The following GSK3B variants were observed in gnomAD, a reference collection of about 807,000 sequenced individuals.
GSK3B encodes glycogen synthase kinase 3 beta.
A neutral mutation model predicts 56.4 loss-of-function variants in GSK3B; 15 were observed. That is an observed-to-expected ratio of 0.27 (90% CI 0.18 to 0.41). The LOEUF (loss-of-function observed/expected upper bound fraction) is 0.41. Among genes scored for constraint, GSK3B ranks in the 10% least tolerant of loss-of-function variants. GSK3B has a pLI of 1.00. For synonymous variants in GSK3B, 181 were observed against 188.9 expected (o/e 0.96, Z 0.34); for missense variants, 300 against 513.4 (o/e 0.58, Z 4.02).
At chr3:120,081,905 T>C (rs1250520589) in intron 1 of GSK3B, among the ~76,000 whole-genome samples, 1 of 152,140 alleles carries the variant, frequency 6.6e-6, no homozygotes, top group Non-Finnish European at 1.5e-5. Flanking sequence ...GAGATAAGCA[T>C]GAATGACTAA....
At chr3:119,964,730 G>A (rs1422157451) in intron 2 of GSK3B, among the ~76,000 whole-genome samples, 1 of 152,096 alleles carries the variant, frequency 6.6e-6, no homozygotes, top group African/African-American at 2.4e-5. Flanking sequence ...TTTGCTAAGA[G>A]GGTAAATGTC....
intron 8 of GSK3B, among the ~76,000 whole-genome samples, chr3:119,868,597 CTATTG>C (rs2056212279): frequency 6.6e-6 from 1 of 152,188 alleles, no homozygotes; most frequent in Admixed American, 6.5e-5. Context: ...CTTAGCAACT[CTATTG>C]TATTATGTAG....
chr3:119,965,260 C>T (rs1285638938), intron 2 of GSK3B, among the ~76,000 whole-genome samples: 2 of 150,010 alleles, frequency 1.3e-5, no homozygotes, highest in Non-Finnish European at 3.0e-5. Flanking sequence ...GACGGGGTTT[C>T]ACCATGTTGG....
chr3:119,893,605 T>A (rs2056528785), intron 7 of GSK3B, among the ~76,000 whole-genome samples: 1 of 152,112 alleles, frequency 6.6e-6, no homozygotes, highest in South Asian at 2.1e-4. Context: ...TTGGGTAAAG[T>A]ATTTATTTAA....
intron 1 of GSK3B, among the ~76,000 whole-genome samples, chr3:120,023,582 GTTAC>G (rs1391458585): frequency 2.0e-5 from 3 of 152,078 alleles, no homozygotes; most frequent in Admixed American, 6.6e-5. Flanking sequence ...CTCTTAAGGT[GTTAC>G]TTAAATTTCA....
At chr3:119,942,474 A>G (rs773174126) in intron 3 of GSK3B, among the ~76,000 whole-genome samples, 10 of 151,764 alleles carry the variant, frequency 6.6e-5, no homozygotes, top group Non-Finnish European at 1.2e-4. Flanking sequence ...AATTTTTTGT[A>G]TTTTTAGTAG....
intron 3 of GSK3B, among the ~76,000 whole-genome samples, chr3:119,943,643 T>C (rs1296581456): frequency 6.6e-6 from 1 of 151,964 alleles, no homozygotes; most frequent in Non-Finnish European, 1.5e-5. Context: ...AGAACCCATA[T>C]ACAGATTTAG....
At chr3:120,086,307 C>T (rs2058462868) in intron 1 of GSK3B, among the ~76,000 whole-genome samples, 3 of 152,078 alleles carry the variant, frequency 2.0e-5, no homozygotes, top group African/African-American at 7.2e-5. Flanking sequence ...AAACAATACC[C>T]TGGGCTAGCA....
At chr3:119,921,975 A>G (rs1576201214) in intron 4 of GSK3B, among the ~76,000 whole-genome samples, 1 of 152,098 alleles carries the variant, frequency 6.6e-6, no homozygotes, top group East Asian at 1.9e-4. Flanking sequence ...CATCTCCACT[A>G]AAAACACAAA....
At chr3:119,875,481 G>T (rs1026034263) in intron 8 of GSK3B, among the ~76,000 whole-genome samples, 2 of 147,676 alleles carry the variant, frequency 1.4e-5, no homozygotes, top group African/African-American at 5.1e-5. Context: ...TTATAAAGTC[G>T]ATCATTGGTA....
intron 3 of GSK3B, among the ~76,000 whole-genome samples, chr3:119,933,727 A>C (rs2056968451): frequency 6.6e-6 from 1 of 152,158 alleles, no homozygotes; most frequent in Non-Finnish European, 1.5e-5. Context: ...AAATAAAAAA[A>C]TTAGCCAGGC....
rs576052493 is a variant in GSK3B at position 119,919,453 on chromosome 3, G to A, written c.478-3279C>T. On this transcript the variant is annotated intron_variant, in intron 4 of 10. Transcript: ENST00000264235. ...TTTATCTTTTCAGATAAAAGGGATC[G>A]ATGTCCCCAAAGAATAATGCCCAGA... Among the ~76,000 whole-genome samples the A allele has an allele frequency of 1.3e-4, 20 of 148,172 alleles. 3 individuals are homozygous for A. Among genetic ancestry groups the A allele is most frequent in the Admixed American group, 6.8e-4 (10 of 14,694 alleles).
At chr3:119,955,473 A>G (rs927366833) in intron 2 of GSK3B, among the ~76,000 whole-genome samples, 6 of 152,168 alleles carry the variant, frequency 3.9e-5, no homozygotes, top group African/African-American at 9.7e-5. Flanking sequence ...CTATAACACA[A>G]TGTGATTAAG....
intron 1 of GSK3B, among the ~76,000 whole-genome samples, chr3:120,080,173 C>T (rs2058406187): frequency 6.6e-6 from 1 of 152,024 alleles, no homozygotes. Context: ...CTCCTGTGGA[C>T]CCAACTAATG....
intron 1 of GSK3B, among the ~76,000 whole-genome samples, chr3:120,028,188 T>C (rs984469419): frequency 2.6e-5 from 4 of 152,202 alleles, no homozygotes; most frequent in African/African-American, 9.6e-5. Context: ...GTTTAAAAGA[T>C]TTCGTAAAAG....
chr3:119,960,751 C>A (rs746167591), intron 2 of GSK3B, among the ~76,000 whole-genome samples: 41 of 152,322 alleles, frequency 2.7e-4, no homozygotes, highest in Non-Finnish European at 2.9e-5. Context: ...TTCATTACCT[C>A]AATCTTCTCC....
At chr3:120,012,436 G>A (rs572621204) in intron 1 of GSK3B, among the ~76,000 whole-genome samples, 4 of 152,216 alleles carry the variant, frequency 2.6e-5, no homozygotes, top group Admixed American at 6.5e-5. Context: ...CTTCGAAACC[G>A]CCTTGAAGGT....
At chr3:120,001,531 C>G (rs1291500318) in intron 2 of GSK3B, among the ~76,000 whole-genome samples, 2 of 152,200 alleles carry the variant, frequency 1.3e-5, no homozygotes, top group African/African-American at 2.4e-5. Context: ...ACCACACTTC[C>G]TGTACAGTTT....
At chr3:119,954,777 G>T (rs1237902782) in intron 2 of GSK3B, among the ~76,000 whole-genome samples, 1 of 152,116 alleles carries the variant, frequency 6.6e-6, no homozygotes, top group Non-Finnish European at 1.5e-5. Flanking sequence ...GACATCTCAT[G>T]CTTTAAAAAG....
Sources: allele counts gnomAD v4.1 joint callset (sites outside exome capture counted in the v4.1 genomes callset), GRCh38; gene constraint gnomAD v4.1.1; transcripts MANE v1.5; gene names NCBI Gene and HGNC (gene_info 2026-07-23, HGNC 2026-07-21).